Variants in BMPR2 observed in about 807,000 individuals in gnomAD.
BMPR2 encodes bone morphogenetic protein receptor type 2.
BMPR2 carries 29 observed loss-of-function variants against 100.8 expected under a neutral mutation model. The ratio of observed to expected loss-of-function variants is 0.29; its 90% CI spans 0.21 to 0.39. The LOEUF is 0.39. Among genes scored for constraint, BMPR2 ranks in the 10% least tolerant of loss-of-function variants. The probability of loss-of-function intolerance (pLI) is 1.00; values close to 1 mark genes in which losing one functional copy is unlikely to be tolerated. For missense variants in BMPR2, 1,011 were observed against 1,274.5 expected, an observed-to-expected ratio of 0.79 and a Z score of 3.15; for synonymous variants, 382 against 442.3, an observed-to-expected ratio of 0.86 and a Z score of 1.71.
chr2:202,377,883 C>T (rs1044105923), intron 1 of BMPR2, among the ~76,000 whole-genome samples: 3 of 152,154 alleles, frequency 2.0e-5, no homozygotes, highest in African/African-American at 7.2e-5. Flanking sequence ...GTGAACAGTG[C>T]TTATTATGAG....
chr2:202,515,520 G>A (rs1419222354), intron 5 of BMPR2, among the ~76,000 whole-genome samples: 2 of 149,448 alleles, frequency 1.3e-5, no homozygotes, highest in Non-Finnish European at 3.0e-5. Context: ...GCGGTGAGCC[G>A]AGATCGCACC....
chr2:202,530,968 A>G lies in BMPR2; in HGVS notation c.1128+14A>G, dbSNP rs775237626. ...GCCATAAGCGAGGTGAGTGTATACA[A>G]AAGGTATCACACTGATGTACTTTGA... On this transcript the variant is annotated intron_variant, in intron 8 of 12. Coordinates refer to ENST00000374580, the MANE Select transcript of BMPR2 (RefSeq NM_001204.7). 1.9e-6 allele frequency: 3 copies of G among 1,613,710 alleles called. No individual in the cohort carries two copies. The Admixed American group carries it at 5.0e-5, about 27-fold the overall frequency.
chr2:202,506,941 C>T (rs1411231345), intron 3 of BMPR2, among the ~76,000 whole-genome samples: 3 of 151,854 alleles, frequency 2.0e-5, no homozygotes, highest in Non-Finnish European at 4.4e-5. Flanking sequence ...GGCATAGTGG[C>T]GTGCACCTGT....
intron 1 of BMPR2, among the ~76,000 whole-genome samples, chr2:202,445,711 T>C (rs1691835536): frequency 6.7e-6 from 1 of 150,098 alleles, no homozygotes; most frequent in South Asian, 2.1e-4. Context: ...CCTCCCGCCT[T>C]GGCCTCCTAA....
intron 11 of BMPR2, 23 bp downstream of exon 11, chr2:202,552,911 A>T: frequency 6.2e-7 from 1 of 1,613,866 alleles, no homozygotes; most frequent in Non-Finnish European, 8.5e-7. Flanking sequence ...GGGGTGTGGC[A>T]TCTATCAATC....
At chr2:202,521,394 C>G (rs1427020702) in intron 7 of BMPR2, among the ~76,000 whole-genome samples, 2 of 152,082 alleles carry the variant, frequency 1.3e-5, no homozygotes, top group Non-Finnish European at 2.9e-5. Context: ...TGGTGAAACC[C>G]TGTCTCTACA....
At position 202,515,562 on chromosome 2, in the gene BMPR2, ACT is replaced by A. The variant is rs1365934662; in HGVS notation, c.621+586_621+587del. Among the ~76,000 whole-genome samples, 4 of 147,224 alleles carry A rather than the reference ACT, an allele frequency of 2.7e-5. No individual in the cohort carries two copies. The East Asian group carries it at 8.1e-4, about 30-fold the overall frequency. On this transcript the variant is annotated intron_variant, in intron 5 of 12. Transcript: ENST00000374580. Reference sequence around the variant, plus strand: ...CTCTAGCCTGGGCAACAAGAGCGAAACTCTGCCACAAAAAAAAAAAAAAGAAA... The same window carrying A: ...CTCTAGCCTGGGCAACAAGAGCGAAACTGCCACAAAAAAAAAAAAAAGAAA...
At chr2:202,389,903 G>A (rs1023069608) in intron 1 of BMPR2, among the ~76,000 whole-genome samples, 2 of 151,664 alleles carry the variant, frequency 1.3e-5, no homozygotes, top group Admixed American at 6.6e-5. Flanking sequence ...GCCTCCCAAA[G>A]TGCTGGGATT....
rs1167351312 is a variant in BMPR2 at position 202,377,494 on chromosome 2, G to A, written c.20G>A (p.Arg7Gln). 6.2e-7 allele frequency: 1 copy of A among 1,614,250 alleles called. No individual in the cohort carries two copies. Among genetic ancestry groups the A allele is most frequent in the East Asian group, 2.2e-5 (1 of 44,884 alleles). ...CCAGGGATGACTTCCTCGCTGCAGC[G>A]GCCCTGGCGGGTGCCCTGGCTACCA... is the stretch of plus-strand genomic sequence containing the variant. MTSSLQRPWRVPWLPWT... is the reference protein window; with the variant it reads MTSSLQQPWRVPWLPWT... The change falls in exon 1 of 13, where the codon CGG becomes CAG. Residue 7 changes from arginine to glutamine, a missense_variant. Transcript: ENST00000374580.
At position 202,377,469 on chromosome 2, in the gene BMPR2, C is replaced by T. The variant is rs1267208596; in HGVS notation, c.-6C>T. ...TTTGCCCTCCTGATTCTTGGCTGGC[C>T]CAGGGATGACTTCCTCGCTGCAGCG... is the stretch of plus-strand genomic sequence containing the variant. On this transcript the variant is annotated 5_prime_UTR_variant, in exon 1 of 13. Transcript: ENST00000374580. 1 of 1,614,222 alleles carries T rather than the reference C, an allele frequency of 6.2e-7. No homozygotes were observed. Among genetic ancestry groups the T allele is most frequent in the South Asian group, 1.1e-5 (1 of 91,082 alleles).
intron 1 of BMPR2, among the ~76,000 whole-genome samples, chr2:202,413,538 A>G (rs1171962037): frequency 6.6e-6 from 1 of 152,224 alleles, no homozygotes; most frequent in East Asian, 1.9e-4. Context: ...GCAATGGTTC[A>G]TTGTTCACTA....
chr2:202,490,931 T>TTTTTTGTTTTTTGTTTTTGGAG, intron 3 of BMPR2, among the ~76,000 whole-genome samples: 1 of 152,028 alleles, frequency 6.6e-6, no homozygotes, highest in South Asian at 2.1e-4. Context: ...TTTTGTTTTG[T>TTTTTTGTTTTTTGTTTTTGGAG]TTTTTGTTTT....
chr2:202,391,662 C>G lies in BMPR2; in HGVS notation c.76+14112C>G, dbSNP rs932065842. On this transcript the variant is annotated intron_variant, in intron 1 of 12. Coordinates refer to ENST00000374580, the MANE Select transcript of BMPR2 (RefSeq NM_001204.7). ...AGTGCAGTGGTTCAATCTCAGTTCA[C>G]TGCAGCGTCTGCCTCCCAACTCAGG... Among the ~76,000 whole-genome samples, 3 of 151,670 alleles carry G rather than the reference C, an allele frequency of 2.0e-5. No homozygotes were observed. In the South Asian group the frequency reaches 6.2e-4, roughly 32 times the overall value.
rs142310513 is a variant in BMPR2, at chr2:202,488,110, A to G, written c.418+20421A>G. On this transcript the variant is annotated intron_variant, in intron 3 of 12. Transcript: ENST00000374580. ...ATTCAACAGGTATTGAATACACACT[A>G]TGCATGCAAGCCACTTTCAAATATT... 2.0e-3 allele frequency among the ~76,000 whole-genome samples: 310 copies of G among 152,300 alleles called. 1 individual carries two copies. Among genetic ancestry groups the G allele is most frequent in the Admixed American group, 2.8e-3 (43 of 15,302 alleles).
At chr2:202,448,965 T>A (rs1274016757) in intron 1 of BMPR2, among the ~76,000 whole-genome samples, 2 of 141,810 alleles carry the variant, frequency 1.4e-5, no homozygotes, top group East Asian at 2.1e-4. Context: ...GTGTGTGTAT[T>A]TTTTGTTTTA....
intron 3 of BMPR2, among the ~76,000 whole-genome samples, chr2:202,513,119 C>T (rs971845267): frequency 2.0e-5 from 3 of 151,938 alleles, no homozygotes; most frequent in South Asian, 4.2e-4. Flanking sequence ...TGCATGCCAC[C>T]ATGCCTGACT....
intron 1 of BMPR2, among the ~76,000 whole-genome samples, chr2:202,434,088 A>T (rs1691560400): frequency 6.6e-6 from 1 of 150,542 alleles, no homozygotes. Flanking sequence ...AGCTTACACA[A>T]TTCTGGCTGA....
chr2:202,452,636 T>C (rs1574456929), intron 1 of BMPR2, among the ~76,000 whole-genome samples: 1 of 152,202 alleles, frequency 6.6e-6, no homozygotes, highest in South Asian at 2.1e-4. Context: ...TTGGTTCTAA[T>C]AGTTCTTGTT....
At chr2:202,519,165 C>G in intron 6 of BMPR2, 113 bp downstream of exon 6, 1 of 1,096,992 alleles carries the variant, frequency 9.1e-7, no homozygotes, top group Non-Finnish European at 1.4e-6. Flanking sequence ...AGTTCAGGAC[C>G]AGCCTCGCCA....
Sources: allele counts gnomAD v4.1 joint callset (sites outside exome capture counted in the v4.1 genomes callset), GRCh38; gene constraint gnomAD v4.1.1; transcripts MANE v1.5; gene names NCBI Gene and HGNC (gene_info 2026-07-23, HGNC 2026-07-21).